Variants in DCPS observed in about 807,000 individuals in gnomAD.
DCPS encodes the protein m7GpppX diphosphatase.
A neutral mutation model predicts 34.7 loss-of-function variants in DCPS; 27 were observed. The observed-to-expected ratio is 0.78, with a 90% confidence interval of 0.57 to 1.07. DCPS has a LOEUF of 1.07. Ranked by LOEUF, DCPS falls within the 50% of genes least tolerant of loss-of-function variation. The probability of loss-of-function intolerance (pLI) is 0.00; values close to 1 mark genes in which losing one functional copy is unlikely to be tolerated. For synonymous variants in DCPS, 185 were observed against 185.7 expected, an observed-to-expected ratio of 1.00 and a Z score of 0.03; for missense variants, 464 against 436.9, an observed-to-expected ratio of 1.06 and a Z score of -0.55.
intron 1 of DCPS, among the ~76,000 whole-genome samples, chr11:126,304,629 G>A (rs1465611602): frequency 6.6e-6 from 1 of 152,046 alleles, no homozygotes; most frequent in Non-Finnish European, 1.5e-5. Flanking sequence ...TAGATGTCTC[G>A]CTCATCCCTG....
chr11:126,330,910 A>G lies in DCPS; in HGVS notation c.377-495A>G, dbSNP rs545410111. Reference sequence around the variant, plus strand: ...CGCCACCACGCCCGGTTAATTTTGTATCTTTAGTAGAGATGGGGTTTCTCC... The same window carrying G: ...CGCCACCACGCCCGGTTAATTTTGTGTCTTTAGTAGAGATGGGGTTTCTCC... On this transcript the variant is annotated intron_variant, in intron 2 of 5. Coordinates refer to ENST00000263579, the MANE Select transcript of DCPS (RefSeq NM_014026.6). Among the ~76,000 whole-genome samples, 755 of 150,894 alleles carry G rather than the reference A, an allele frequency of 5.0e-3. 4 individuals are homozygous for G. Among genetic ancestry groups the G allele is most frequent in the Non-Finnish European group, 5.2e-3 (353 of 67,730 alleles).
rs1291219686 is a variant in DCPS, at chr11:126,344,597, CT to C, written c.748-746del. Reference sequence around the variant, plus strand: ...TACTGAGCCCACTGAGGCCCTAGTACTTTTCTCTTCACCTCTGACCACCTCA... The same window carrying C: ...TACTGAGCCCACTGAGGCCCTAGTACTTTCTCTTCACCTCTGACCACCTCA... On this transcript the variant is annotated intron_variant, in intron 5 of 5. Coordinates refer to ENST00000263579, the MANE Select transcript of DCPS (RefSeq NM_014026.6). This position sits in a 1 kb window ranked among gnomAD's most constrained non-coding sequence, Gnocchi z 8.1. Among the ~76,000 whole-genome samples, 1 of 152,182 alleles carries C rather than the reference CT, an allele frequency of 6.6e-6. No homozygotes were observed. The highest frequency in any genetic ancestry group is 2.4e-5 in the African/African-American group (1 of 41,440).
chr11:126,338,336 C>A lies in DCPS; in HGVS notation c.573C>A (p.Phe191Leu). 6.2e-7 allele frequency: 1 copy of A among 1,614,136 alleles called. No individual in the cohort carries two copies. The highest frequency in any genetic ancestry group is 8.5e-7 in the Non-Finnish European group (1 of 1,180,012). Residue 191 changes from phenylalanine (F) to leucine (L), a missense_variant, in exon 4 of 6, where the codon TTC becomes TTA. Physicochemically the swap from Phe to Leu is conservative, Grantham distance 22. Coordinates refer to ENST00000263579, the MANE Select transcript of DCPS (RefSeq NM_014026.6). This position sits in a 1 kb window ranked among gnomAD's most constrained non-coding sequence, Gnocchi z 5.4. The part of the protein sequence containing the change: ...DKKAEADRIV[F>L]ENPDPSDGFV... The stretch of plus-strand genomic sequence containing the variant: ...AGGCTGAAGCGGACCGGATTGTTTT[C>A]GAGAACCCAGATCCCTCTGATGGTT...
At chr11:126,309,772 T>C (rs1189550554) in intron 2 of DCPS, among the ~76,000 whole-genome samples, 2 of 152,132 alleles carry the variant, frequency 1.3e-5, no homozygotes, top group African/African-American at 4.8e-5. Flanking sequence ...ATATTTGAGG[T>C]CAGGATTGTC....
rs1188368074 is a variant in DCPS, at chr11:126,338,669, A to T, written c.636+270A>T. ...GTTTGTGCCCATGACTACATAGGCCATTCCTTACCAGCCAAGTGGTCTGGG... is the reference window on the plus strand; with the variant it reads ...GTTTGTGCCCATGACTACATAGGCCTTTCCTTACCAGCCAAGTGGTCTGGG... On this transcript the variant is annotated intron_variant, in intron 4 of 5. Transcript: ENST00000263579. The surrounding 1 kb of genome is among the most constrained non-coding windows in gnomAD (Gnocchi z 5.4). Among the ~76,000 whole-genome samples, 1 of 152,174 alleles carries T rather than the reference A, an allele frequency of 6.6e-6. No homozygotes were observed. The highest frequency in any genetic ancestry group is 2.4e-5 in the African/African-American group (1 of 41,446).
intron 5 of DCPS, 151 bp downstream of exon 5, chr11:126,343,568 A>T: frequency 1.4e-6 from 1 of 690,214 alleles, no homozygotes; most frequent in East Asian, 2.7e-5. Flanking sequence ...TAGGCTCTTG[A>T]GGTTGAAGAG....
chr11:126,313,630 A>G lies in DCPS; in HGVS notation c.376+6886A>G, dbSNP rs1466915704. Among the ~76,000 whole-genome samples the G allele has an allele frequency of 2.0e-5, 3 of 152,164 alleles. No individual in the cohort carries two copies. The highest frequency in any genetic ancestry group is 2.9e-5 in the Non-Finnish European group (2 of 68,038). ...AGTTGAAAAACAAGCAGAACTGAAC[A>G]ATATACTGCCTAGGGATGCATACAT... is the stretch of plus-strand genomic sequence containing the variant. On this transcript the variant is annotated intron_variant, in intron 2 of 5. Transcript: ENST00000263579. The surrounding 1 kb of genome is among the most constrained non-coding windows in gnomAD (Gnocchi z 4.9).
In DCPS at chr11:126,344,526, G is replaced by A. The variant is rs1321600397; in HGVS notation, c.748-821G>A. On this transcript the variant is annotated intron_variant, in intron 5 of 5. Coordinates refer to ENST00000263579, the MANE Select transcript of DCPS (RefSeq NM_014026.6). This position sits in a 1 kb window ranked among gnomAD's most constrained non-coding sequence, Gnocchi z 8.1. ...GGCCCTGGTCTCGCCCCGCTGCAGG[G>A]ATTCCTGGGGTGAGCTCCAAATGCA... Among the ~76,000 whole-genome samples, 2 of 152,134 alleles carry A rather than the reference G, an allele frequency of 1.3e-5. No homozygotes were observed. The highest frequency in any genetic ancestry group is 2.9e-5 in the Non-Finnish European group (2 of 68,020).
At chr11:126,317,676 G>T (rs1394315743) in intron 2 of DCPS, among the ~76,000 whole-genome samples, 2 of 152,212 alleles carry the variant, frequency 1.3e-5, no homozygotes, top group African/African-American at 2.4e-5. Context: ...TTAAAGACAT[G>T]CCTTCAGGCA....
Position 126,342,154 on chromosome 11 carries a change from A to G in DCPS, c.637-1153A>G, listed in dbSNP as rs1165170556. ...TGTCTGGGGCCTTCCAGGCGCATGGATGGAATTACCAGGCAAGGCCAGGGT... is the reference window on the plus strand; with the variant it reads ...TGTCTGGGGCCTTCCAGGCGCATGGGTGGAATTACCAGGCAAGGCCAGGGT... On this transcript the variant is annotated intron_variant, in intron 4 of 5. Coordinates refer to ENST00000263579, the MANE Select transcript of DCPS (RefSeq NM_014026.6). This position sits in a 1 kb window ranked among gnomAD's most constrained non-coding sequence, Gnocchi z 4.4. 6.6e-6 allele frequency: 1 copy of G among 152,238 alleles called. No homozygotes were observed. The highest frequency in any genetic ancestry group is 1.9e-4 in the East Asian group (1 of 5,192). 9.4% of individuals were successfully genotyped at this position (152,238 alleles called of 1,614,324 possible).
rs1392393469 is a variant in DCPS, at chr11:126,327,255, G to C, written c.377-4150G>C. Among the ~76,000 whole-genome samples the C allele has an allele frequency of 6.6e-6, 1 of 152,120 alleles. No homozygotes were observed. Among genetic ancestry groups the C allele is most frequent in the Non-Finnish European group, 1.5e-5 (1 of 68,036 alleles). On this transcript the variant is annotated intron_variant, in intron 2 of 5. Transcript: ENST00000263579. This position sits in a 1 kb window ranked among gnomAD's most constrained non-coding sequence, Gnocchi z 4.1. Reference sequence around the variant, plus strand: ...CCTTCCTAACTTTGACATTTTTGTAGTGTTATAAAGCCACTAGTTTTGTTG... The same window carrying C: ...CCTTCCTAACTTTGACATTTTTGTACTGTTATAAAGCCACTAGTTTTGTTG...
intron 2 of DCPS, among the ~76,000 whole-genome samples, chr11:126,308,640 A>G (rs943546249): frequency 6.6e-6 from 1 of 152,150 alleles, no homozygotes; most frequent in Non-Finnish European, 1.5e-5. Flanking sequence ...GCCAAACACA[A>G]CTTGGGGTGG....
chr11:126,335,707 C>T lies in DCPS; in HGVS notation c.523-2579C>T, dbSNP rs11220455. Among the ~76,000 whole-genome samples, 1,498 of 152,316 alleles carry T rather than the reference C, an allele frequency of 9.8e-3. 23 individuals carry two copies. Among genetic ancestry groups the T allele is most frequent in the African/African-American group, 0.033 (1,390 of 41,564 alleles). On this transcript the variant is annotated intron_variant, in intron 3 of 5. Transcript: ENST00000263579. This position sits in a 1 kb window ranked among gnomAD's most constrained non-coding sequence, Gnocchi z 4.8. The stretch of plus-strand genomic sequence containing the variant: ...ACTTTGGGCCAAGGTGGGCAGTTCA[C>T]TTGAGGTCAGGAGTTTGAGACCAGC...
intron 2 of DCPS, among the ~76,000 whole-genome samples, chr11:126,330,501 G>A (rs544539816): frequency 1.3e-5 from 2 of 151,848 alleles, no homozygotes; most frequent in South Asian, 4.2e-4. Context: ...TCATTTGGCA[G>A]ATGAAGAAGT....
In DCPS at chr11:126,313,602, C is replaced by A. The variant is rs762749576; in HGVS notation, c.376+6858C>A. 1.3e-5 allele frequency among the ~76,000 whole-genome samples: 2 copies of A among 151,978 alleles called. No individual in the cohort carries two copies. The highest frequency in any genetic ancestry group is 4.8e-5 in the African/African-American group (2 of 41,370). On this transcript the variant is annotated intron_variant, in intron 2 of 5. Transcript: ENST00000263579. This position sits in a 1 kb window ranked among gnomAD's most constrained non-coding sequence, Gnocchi z 4.9. ...TACACATGGTGCGATTAAAATGGTA[C>A]AAAGTTGAAAAACAAGCAGAACTGA...
In DCPS at chr11:126,337,776, G is replaced by A. The variant is rs57287874; in HGVS notation, c.523-510G>A. On this transcript the variant is annotated intron_variant, in intron 3 of 5. Transcript: ENST00000263579. This position sits in a 1 kb window ranked among gnomAD's most constrained non-coding sequence, Gnocchi z 5.3. ...GGCGGGAAACGTGCACACATGAGCT[G>A]CTAGAGGCAAAGGCTCTCACTGCTC... 0.02 allele frequency: 3,054 copies of A among 156,540 alleles called. 85 individuals carry two copies. Among genetic ancestry groups the A allele is most frequent in the African/African-American group, 0.066 (2,739 of 41,624 alleles). 9.7% of individuals were successfully genotyped at this position (156,540 alleles called of 1,614,324 possible).
rs1428460898 is a variant in DCPS at position 126,304,199 on chromosome 11, TC to T, written c.121del (p.Arg41AlafsTer13). The T allele has an allele frequency of 1.3e-5, 21 of 1,614,256 alleles. No homozygotes were observed. Among genetic ancestry groups the T allele is most frequent in the Non-Finnish European group, 1.7e-5 (20 of 1,180,048 alleles). On this transcript the variant is annotated frameshift_variant, in exon 1 of 6. Coordinates refer to ENST00000263579, the MANE Select transcript of DCPS (RefSeq NM_014026.6). LOFTEE classifies it high-confidence loss of function. The stretch of plus-strand genomic sequence containing the variant: ...GTTGGAAATGGTACCTGTGCTCCTG[TC>T]CGCTTACCGTTCTCCGGCTTCAGAC... The part of the protein sequence containing the change: ...AGVGNGTCAP[V>X]RLPFSGFRLQ...
rs1042098638 is a variant in DCPS at position 126,332,942 on chromosome 11, A to G, written c.522+1392A>G. 8.5e-5 allele frequency among the ~76,000 whole-genome samples: 13 copies of G among 152,158 alleles called. No homozygotes were observed. Among genetic ancestry groups the G allele is most frequent in the Admixed American group, 7.9e-4 (12 of 15,266 alleles). On this transcript the variant is annotated intron_variant, in intron 3 of 5. Coordinates refer to ENST00000263579, the MANE Select transcript of DCPS (RefSeq NM_014026.6). This position sits in a 1 kb window ranked among gnomAD's most constrained non-coding sequence, Gnocchi z 5.4. ...GGTTGTGCAGACCTGAGATTCAAGT[A>G]AGGAAGCCCTGATGTGGTTGGTGTG...
rs1270482156 is a variant in DCPS, at chr11:126,348,103, G to A, written c.*2490G>A. Among the ~76,000 whole-genome samples, 7 of 152,166 alleles carry A rather than the reference G, an allele frequency of 4.6e-5. No individual in the cohort carries two copies. ...GACACCGGATAAATAAATGTTTGAG[G>A]GGCAAGAGAGATGGGACAGAGTTCA... On this transcript the variant is annotated 3_prime_UTR_variant, in exon 6 of 6. Coordinates refer to ENST00000263579, the MANE Select transcript of DCPS (RefSeq NM_014026.6). This position sits in a 1 kb window ranked among gnomAD's most constrained non-coding sequence, Gnocchi z 5.3.
Sources: gnomAD v4.1 joint callset for allele counts (sites outside exome capture counted in the v4.1 genomes callset) on GRCh38, gnomAD v4.1.1 for gene constraint, Gnocchi (gnomAD v3.1) non-coding constraint, MANE v1.5 for transcripts, NCBI Gene and HGNC (gene_info 2026-07-23, HGNC 2026-07-21) for gene names.